ADCY8: variants seen among roughly 807,000 people sequenced by gnomAD.
ADCY8 encodes the protein adenylate cyclase type 8.
A neutral mutation model predicts 119.7 loss-of-function variants in ADCY8; 51 were observed. The ratio of observed to expected loss-of-function variants is 0.43; its 90% CI spans 0.34 to 0.54. The LOEUF (loss-of-function observed/expected upper bound fraction) is 0.54, where lower values mean the gene tolerates loss of function less well. Among genes scored for constraint, ADCY8 ranks in the 20% least tolerant of loss-of-function variants. The pLI is 0.03. For missense variants in ADCY8, 1,383 were observed against 1,598.8 expected (o/e 0.87, Z 2.30); for synonymous variants, 665 against 651.0 (o/e 1.02, Z -0.33).
At chr8:131,010,362 G>T (rs1364371720) in intron 1 of ADCY8, among the ~76,000 whole-genome samples, 1 of 152,158 alleles carries the variant, frequency 6.6e-6, no homozygotes, top group Non-Finnish European at 1.5e-5. Context: ...CAAAGAACCA[G>T]GTTCAGAGTT....
chr8:130,833,864 T>C (rs1264241686), intron 12 of ADCY8, among the ~76,000 whole-genome samples: 2 of 152,146 alleles, frequency 1.3e-5, no homozygotes, highest in Non-Finnish European at 2.9e-5. Flanking sequence ...GATAGTAAAA[T>C]TATGGTTACC....
intron 1 of ADCY8, among the ~76,000 whole-genome samples, chr8:130,996,001 T>C (rs1005895225): frequency 1.3e-5 from 2 of 152,242 alleles, no homozygotes; most frequent in African/African-American, 4.8e-5. Flanking sequence ...ATTTGATAAA[T>C]AAATACATGA....
intron 8 of ADCY8, among the ~76,000 whole-genome samples, chr8:130,876,422 C>T (rs1818567299): frequency 6.6e-6 from 1 of 150,470 alleles, no homozygotes; most frequent in African/African-American, 2.4e-5. Context: ...AAACTACCTC[C>T]TTGATTGCTC....
rs117661827 is a variant in ADCY8, at chr8:130,800,236, G to A, written c.3060+190C>T. Among the ~76,000 whole-genome samples the A allele has an allele frequency of 6.2e-3, 936 of 151,482 alleles. 3 individuals are homozygous for A. The highest frequency in any genetic ancestry group is 9.5e-3 in the Non-Finnish European group (647 of 67,934). On this transcript the variant is annotated intron_variant, in intron 15 of 17. Transcript: ENST00000286355. ...CTTATATTCCTGATCCCCCAAATAG[G>A]GAAATAATAGCATTTAACTCAGGTG...
At chr8:130,877,860 G>A (rs773715686) in intron 8 of ADCY8, among the ~76,000 whole-genome samples, 2 of 152,074 alleles carry the variant, frequency 1.3e-5, no homozygotes, top group Middle Eastern at 3.2e-3. Flanking sequence ...CTTCCAATGA[G>A]CTACAAGGCT....
chr8:130,781,502 C>G (rs1291582127), intron 17 of ADCY8, among the ~76,000 whole-genome samples: 1 of 152,224 alleles, frequency 6.6e-6, no homozygotes. Context: ...GGGCTCCTTT[C>G]ACTTACAGGA....
At chr8:130,988,870 C>T (rs182007432) in intron 2 of ADCY8, among the ~76,000 whole-genome samples, 121 of 152,220 alleles carry the variant, frequency 7.9e-4, no homozygotes, top group African/African-American at 1.5e-3. Context: ...ATCATAAACA[C>T]GAAATAAGAG....
chr8:130,878,984 T>C (rs1818666075), intron 8 of ADCY8, among the ~76,000 whole-genome samples: 1 of 152,166 alleles, frequency 6.6e-6, no homozygotes, highest in South Asian at 2.1e-4. Flanking sequence ...TATAAGGTGA[T>C]AATATTGTTT....
chr8:130,928,977 T>G (rs980959545), intron 5 of ADCY8, among the ~76,000 whole-genome samples: 1 of 152,170 alleles, frequency 6.6e-6, no homozygotes, highest in African/African-American at 2.4e-5. Flanking sequence ...TTGCTATTGG[T>G]CTATTAAGAT....
intron 11 of ADCY8, among the ~76,000 whole-genome samples, chr8:130,840,017 A>G (rs1309882487): frequency 7.1e-6 from 1 of 140,256 alleles, no homozygotes; most frequent in Non-Finnish European, 1.6e-5. Context: ...GCAAGATATA[A>G]AAGTTGGACA....
At chr8:130,887,957 T>A (rs1341838699) in intron 7 of ADCY8, among the ~76,000 whole-genome samples, 1 of 152,176 alleles carries the variant, frequency 6.6e-6, no homozygotes, top group Non-Finnish European at 1.5e-5. Context: ...ATTAGAGTCA[T>A]ACTGGAATGA....
intron 9 of ADCY8, among the ~76,000 whole-genome samples, chr8:130,862,727 A>T (rs939097487): frequency 6.6e-6 from 1 of 152,132 alleles, no homozygotes; most frequent in Non-Finnish European, 1.5e-5. Context: ...ATATTTTTAA[A>T]TGTCTCTTGA....
intron 1 of ADCY8, among the ~76,000 whole-genome samples, chr8:131,003,732 T>C (rs562485124): frequency 6.6e-6 from 1 of 152,324 alleles, no homozygotes; most frequent in East Asian, 1.9e-4. Context: ...TTGGTTTGAC[T>C]GGGACACAGG....
chr8:130,853,878 T>G (rs1817621799), intron 9 of ADCY8, among the ~76,000 whole-genome samples: 1 of 152,372 alleles, frequency 6.6e-6, no homozygotes, highest in East Asian at 1.9e-4. Context: ...TGAGAATTAC[T>G]TTTTAATCTG....
intron 12 of ADCY8, among the ~76,000 whole-genome samples, chr8:130,834,125 T>G (rs965245563): frequency 6.6e-6 from 1 of 152,192 alleles, no homozygotes; most frequent in Non-Finnish European, 1.5e-5. Context: ...CTACCACATA[T>G]ACATAGGTCA....
intron 14 of ADCY8, among the ~76,000 whole-genome samples, chr8:130,802,651 C>T (rs1018577294): frequency 4.6e-5 from 7 of 152,322 alleles, no homozygotes; most frequent in African/African-American, 1.2e-4. Context: ...CTCCAGAACA[C>T]GGAAGCATTT....
At chr8:130,937,280 G>A (rs1378950043) in intron 4 of ADCY8, 80 bp from the exon 5 acceptor site, 5 of 1,477,882 alleles carry the variant, frequency 3.4e-6, no homozygotes, top group Non-Finnish European at 4.6e-6. Context: ...AAAGAGGCGA[G>A]CAGGGTTAGG....
intron 10 of ADCY8, among the ~76,000 whole-genome samples, 153 bp downstream of exon 10, chr8:130,849,449 A>G (rs752194982): frequency 5.9e-5 from 9 of 152,196 alleles, no homozygotes; most frequent in Non-Finnish European, 1.3e-4. Context: ...CAGTAGCCAC[A>G]TCTTTGTTAT....
intron 1 of ADCY8, among the ~76,000 whole-genome samples, chr8:131,016,093 G>A (rs925915459): frequency 1.3e-5 from 2 of 152,096 alleles, no homozygotes; most frequent in Non-Finnish European, 2.9e-5. Context: ...TGCTTTGCTA[G>A]CAGGAGCAAA....
Sources: allele counts gnomAD v4.1 joint callset (sites outside exome capture counted in the v4.1 genomes callset), GRCh38; gene constraint gnomAD v4.1.1; transcripts MANE v1.5; gene names NCBI Gene and HGNC (gene_info 2026-07-23, HGNC 2026-07-21).